CYRIB: variants seen among roughly 807,000 people sequenced by gnomAD.
The protein encoded by CYRIB is CYFIP related Rac1 interactor B, also known as CYFIP-related Rac1 interactor B.
In CYRIB, 8 loss-of-function variants were observed where a neutral mutation model predicts 44.2. That is an observed-to-expected ratio of 0.18 (90% CI 0.11 to 0.33). The LOEUF (loss-of-function observed/expected upper bound fraction) is 0.33. Among genes scored for constraint, CYRIB ranks in the 10% least tolerant of loss-of-function variants. CYRIB has a pLI of 1.00. For synonymous variants in CYRIB, 131 were observed against 127.2 expected, an observed-to-expected ratio of 1.03 and a Z score of -0.20; for missense variants, 185 against 382.8, an observed-to-expected ratio of 0.48 and a Z score of 4.31.
intron 1 of CYRIB, among the ~76,000 whole-genome samples, chr8:129,982,832 G>A (rs1370197837): frequency 6.6e-6 from 1 of 152,104 alleles, no homozygotes; most frequent in African/African-American, 2.4e-5. Context: ...TGGCTGCCCA[G>A]CTGGGCTCAC....
chr8:129,853,736 A>C (rs1468817382), intron 7 of CYRIB, among the ~76,000 whole-genome samples: 1 of 152,224 alleles, frequency 6.6e-6, no homozygotes, highest in African/African-American at 2.4e-5. Flanking sequence ...GAAATGCTAT[A>C]CTAGCCAAGG....
rs143488704 is a variant in CYRIB, at chr8:130,002,955, G to T, written c.-296+13415C>A. Among the ~76,000 whole-genome samples the T allele has an allele frequency of 7.6e-3, 1,151 of 152,078 alleles. 19 individuals carry two copies. The highest frequency in any genetic ancestry group is 0.026 in the African/African-American group (1,081 of 41,494). On this transcript the variant is annotated intron_variant, in intron 1 of 14. Coordinates refer to the CYRIB transcript ENST00000401979. ...TACTAAAAATAAAAAAATGAGCCAG[G>T]TATGGTGGCAGGCACCTGTGGTCCC...
chr8:129,851,127 G>A, intron 8 of CYRIB: 1 of 519,906 alleles, frequency 1.9e-6, no homozygotes, highest in East Asian at 3.4e-5. Flanking sequence ...TCTTCTGAAA[G>A]GCACCTGCAT....
At chr8:129,968,641 G>A (rs1465195025) in intron 2 of CYRIB, among the ~76,000 whole-genome samples, 2 of 152,134 alleles carry the variant, frequency 1.3e-5, no homozygotes, top group Admixed American at 6.6e-5. Context: ...GGTTTCCATG[G>A]TACTAGACCA....
chr8:129,918,369 G>A (rs1455204628), intron 1 of CYRIB, among the ~76,000 whole-genome samples: 1 of 152,144 alleles, frequency 6.6e-6, no homozygotes, highest in South Asian at 2.1e-4. Flanking sequence ...TGTTCTACCC[G>A]CACACTAGAA....
chr8:129,863,692 T>A (rs1228038408), intron 4 of CYRIB, among the ~76,000 whole-genome samples: 1 of 151,942 alleles, frequency 6.6e-6, no homozygotes, highest in African/African-American at 2.4e-5. Context: ...TAGAGATCCT[T>A]AATATAAATG....
chr8:130,001,598 G>T (rs976705645), intron 1 of CYRIB, among the ~76,000 whole-genome samples: 1 of 139,654 alleles, frequency 7.2e-6, no homozygotes, highest in Non-Finnish European at 1.5e-5. Context: ...GCGCAATCTT[G>T]GTTCACTGCA....
intron 1 of CYRIB, among the ~76,000 whole-genome samples, chr8:129,924,303 GGGT>G (rs776438487): frequency 1.3e-4 from 8 of 62,766 alleles, no homozygotes; most frequent in African/African-American, 3.3e-4. Context: ...GGGGGGGGGG[GGGT>G]GGCGGGGGGG....
chr8:129,991,172 A>G (rs1183643540), intron 1 of CYRIB, among the ~76,000 whole-genome samples: 1 of 144,494 alleles, frequency 6.9e-6, no homozygotes, highest in African/African-American at 2.5e-5. Flanking sequence ...ACAGGCGAGG[A>G]GTTGAAATGA....
intron 1 of CYRIB, among the ~76,000 whole-genome samples, chr8:129,920,884 T>G (rs1182264611): frequency 6.6e-6 from 1 of 152,210 alleles, no homozygotes; most frequent in Non-Finnish European, 1.5e-5. Flanking sequence ...TCTACAGAGA[T>G]AGATTTCTTG....
chr8:129,939,116 G>A (rs1224407872), intron 1 of CYRIB, among the ~76,000 whole-genome samples: 1 of 152,134 alleles, frequency 6.6e-6, no homozygotes, highest in Non-Finnish European at 1.5e-5. Flanking sequence ...GGGACCAGGA[G>A]GGCTGGGTGT....
chr8:129,967,536 T>C (rs28411256), intron 2 of CYRIB, among the ~76,000 whole-genome samples: 7,127 of 152,064 alleles, frequency 0.047, 174 homozygotes, highest in Middle Eastern at 0.068. Flanking sequence ...CCTGCCACCA[T>C]GCCCGGCTAA....
upstream of CYRIB, among the ~76,000 whole-genome samples, chr8:129,943,675 T>A (rs1419121563): frequency 7.0e-4 from 90 of 128,476 alleles, no homozygotes; most frequent in African/African-American, 2.5e-3. Flanking sequence ...CTTGGCTCAC[T>A]GCAAGCTCCG....
intron 2 of CYRIB, among the ~76,000 whole-genome samples, chr8:129,957,505 T>A (rs1385688411): frequency 6.6e-6 from 1 of 152,164 alleles, no homozygotes; most frequent in Non-Finnish European, 1.5e-5. Context: ...AAACCTTATT[T>A]ATCAACTTGT....
intron 3 of CYRIB, among the ~76,000 whole-genome samples, chr8:129,874,189 G>A (rs879382915): frequency 5.9e-5 from 9 of 151,764 alleles, no homozygotes; most frequent in Non-Finnish European, 1.3e-4. Flanking sequence ...GCTTACAAAA[G>A]GACATGCAAA....
At chr8:129,924,962 T>C (rs2086600130) in intron 1 of CYRIB, among the ~76,000 whole-genome samples, 1 of 152,120 alleles carries the variant, frequency 6.6e-6, no homozygotes, top group South Asian at 2.1e-4. Flanking sequence ...TTTTTCTCAT[T>C]TAAAGTTAGT....
intron 1 of CYRIB, among the ~76,000 whole-genome samples, chr8:129,993,697 A>C (rs1393559009): frequency 7.1e-6 from 1 of 140,826 alleles, no homozygotes; most frequent in Admixed American, 7.1e-5. Context: ...ACTCTCTCTC[A>C]AAAAAAAAAA....
chr8:129,948,649 CCGT>C (rs2094324087), intron 2 of CYRIB: 1 of 152,206 alleles, frequency 6.6e-6, no homozygotes, highest in Non-Finnish European at 1.5e-5. Context: ...AAAGGGTGGG[CCGT>C]TCACTTCTGA....
chr8:129,956,535 GCACACACACACA>G (rs146683281), intron 2 of CYRIB, among the ~76,000 whole-genome samples: 7 of 149,408 alleles, frequency 4.7e-5, no homozygotes, highest in African/African-American at 1.7e-4. Context: ...CTTTGTGTTT[GCACACACACACA>G]CACACACACA....
Sources: allele counts gnomAD v4.1 joint callset (sites outside exome capture counted in the v4.1 genomes callset), GRCh38; gene constraint gnomAD v4.1.1; transcripts MANE v1.5; gene names NCBI Gene and HGNC (gene_info 2026-07-23, HGNC 2026-07-21).